TMEM63B: variants seen among roughly 807,000 people sequenced by gnomAD.
TMEM63B encodes the protein transmembrane protein 63B, also known as mechanosensitive cation channel TMEM63B.
Under a neutral mutation model 102.6 loss-of-function variants are expected in TMEM63B, and 23 were observed. The observed-to-expected ratio is 0.22, with a 90% CI of 0.16 to 0.32. The LOEUF is 0.32. Among genes scored for constraint, TMEM63B ranks in the 10% least tolerant of loss-of-function variants. TMEM63B has a pLI of 1.00. For missense variants in TMEM63B, 628 were observed against 1,095.9 expected, an observed-to-expected ratio of 0.57 and a Z score of 6.03; for synonymous variants, 444 against 437.0, an observed-to-expected ratio of 1.02 and a Z score of -0.20.
At chr6:44,130,010 T>C (rs1246423198) in intron 1 of TMEM63B, among the ~76,000 whole-genome samples, 1 of 152,172 alleles carries the variant, frequency 6.6e-6, no homozygotes, top group Non-Finnish European at 1.5e-5. Context: ...ATGGTGCCTG[T>C]CCCCTATGCC....
At chr6:44,145,058 C>G (rs1056908628) in intron 10 of TMEM63B, among the ~76,000 whole-genome samples, 6 of 152,018 alleles carry the variant, frequency 3.9e-5, no homozygotes, top group Non-Finnish European at 5.9e-5. Context: ...GGGTGAATCA[C>G]AAGGTCAGGA....
chr6:44,152,703 G>A lies in TMEM63B; in HGVS notation c.1942+5G>A. The A allele has an allele frequency of 6.2e-7, 1 of 1,603,656 alleles. No individual in the cohort carries two copies. The highest frequency in any genetic ancestry group is 8.5e-7 in the Non-Finnish European group (1 of 1,178,530). On this transcript the variant is annotated splice_donor_5th_base_variant and intron_variant, in intron 20 of 23. Transcript: ENST00000323267. This position sits in a 1 kb window ranked among gnomAD's most constrained non-coding sequence, Gnocchi z 6.4. ...GCCCCATCATCGTGCCCTTCGGTAG[G>A]CACCGCCGCGCCGGGACCTGGGCCC... is the stretch of plus-strand genomic sequence containing the variant.
chr6:44,151,624 C>T (rs1466356791), intron 18 of TMEM63B, among the ~76,000 whole-genome samples: 1 of 152,116 alleles, frequency 6.6e-6, no homozygotes, highest in Admixed American at 6.5e-5. Flanking sequence ...TGAGCACTCT[C>T]TCCATGGGTC....
intron 2 of TMEM63B, 112 bp from the exon 3 acceptor site, chr6:44,134,905 A>C (rs1762619353): frequency 6.7e-7 from 1 of 1,499,184 alleles, no homozygotes; most frequent in African/African-American, 1.4e-5. Context: ...CATTCACCCA[A>C]GCCAGGGTCA....
chr6:44,141,386 G>A (rs1276965476), intron 10 of TMEM63B, among the ~76,000 whole-genome samples: 3 of 152,168 alleles, frequency 2.0e-5, no homozygotes, highest in Non-Finnish European at 2.9e-5. Context: ...TGTTGACCCA[G>A]GTCCATTGGA....
Position 44,145,301 on chromosome 6 carries a change from C to T in TMEM63B, c.783-1546C>T, listed in dbSNP as rs190276816. ...AAAAAAAAAAAAAAAAGCTATTAGGCTGGGTATGGCAGCTCATGCCTATAA... is the reference window on the plus strand; with the variant it reads ...AAAAAAAAAAAAAAAAGCTATTAGGTTGGGTATGGCAGCTCATGCCTATAA... On this transcript the variant is annotated intron_variant, in intron 10 of 23. Coordinates refer to ENST00000323267, the MANE Select transcript of TMEM63B (RefSeq NM_018426.3). 4.4e-4 allele frequency among the ~76,000 whole-genome samples: 66 copies of T among 148,686 alleles called. No individual in the cohort carries two copies. In the East Asian group the frequency reaches 0.013, roughly 28 times the overall value.
intron 9 of TMEM63B, chr6:44,140,569 G>C (rs1764026883): frequency 3.0e-6 from 2 of 664,680 alleles, no homozygotes; most frequent in Admixed American, 4.2e-5. Context: ...CCTCCCCCAA[G>C]GTTGTGGGGA....
chr6:44,133,685 C>T (rs73429745), intron 1 of TMEM63B, among the ~76,000 whole-genome samples: 39,471 of 152,198 alleles, frequency 0.26, 5,676 homozygotes, highest in African/African-American at 0.39. Flanking sequence ...TCAATGCAGC[C>T]GGCCAGTTGC....
chr6:44,129,569 G>T (rs1222355188), intron 1 of TMEM63B, among the ~76,000 whole-genome samples: 1 of 152,114 alleles, frequency 6.6e-6, no homozygotes, highest in African/African-American at 2.4e-5. Flanking sequence ...GGCTACCACA[G>T]ATGGATGGGG....
At chr6:44,147,001 C>G (rs1420000438) in intron 11 of TMEM63B, 74 bp downstream of exon 11, 3 of 1,485,516 alleles carry the variant, frequency 2.0e-6, no homozygotes, top group Non-Finnish European at 2.8e-6. Context: ...GGCTACCACA[C>G]AGGCTCCCCT....
In TMEM63B at chr6:44,139,715, T is replaced by C. The variant is rs749415382; in HGVS notation, c.558T>C (p.Asn186=). 1.2e-6 allele frequency: 2 copies of C among 1,613,906 alleles called. No individual in the cohort carries two copies. Among genetic ancestry groups the C allele is most frequent in the East Asian group, 4.5e-5 (2 of 44,886 alleles). Residue 186 remains asparagine (N), a synonymous_variant, in exon 8 of 24, where the codon AAT becomes AAC. Coordinates refer to ENST00000323267, the MANE Select transcript of TMEM63B (RefSeq NM_018426.3). ...VNFSGDLLEN[N]AYSFGRTTIA... ...CCTCTTCCCACCCCACAGAGAACAA[T>C]GCCTACAGCTTTGGGAGAACCACCA...
chr6:44,134,533 C>T (rs1762554867), intron 1 of TMEM63B, 28 bp from the exon 2 acceptor site: 3 of 1,596,916 alleles, frequency 1.9e-6, no homozygotes, highest in South Asian at 1.1e-5. Context: ...GGGGGCAAGC[C>T]CAGCTGACTG....
At chr6:44,139,679 A>C (rs1167055269) in intron 7 of TMEM63B, 29 bp from the exon 8 acceptor site, 1 of 1,613,990 alleles carries the variant, frequency 6.2e-7, no homozygotes, top group Non-Finnish European at 8.5e-7. Flanking sequence ...TGACCCCACC[A>C]TCATCCTCTC....
At chr6:44,141,275 G>T (rs12529211) in intron 10 of TMEM63B, among the ~76,000 whole-genome samples, 177 bp downstream of exon 10, 11,199 of 152,096 alleles carry the variant, frequency 0.074, 607 homozygotes, top group East Asian at 0.23. Flanking sequence ...CGGGTGATAG[G>T]CCCCTTTAAG....
At position 44,148,729 on chromosome 6, in the gene TMEM63B, T is replaced by C. The variant is rs894984731; in HGVS notation, c.1260-63T>C. ...GGTAGGCGGAGGAGAGGGAGTGTCTTGGTGTCACTGGGGGCCAATCCTGCC... is the reference window on the plus strand; with the variant it reads ...GGTAGGCGGAGGAGAGGGAGTGTCTCGGTGTCACTGGGGGCCAATCCTGCC... On this transcript the variant is annotated intron_variant, in intron 14 of 23. Coordinates refer to ENST00000323267, the MANE Select transcript of TMEM63B (RefSeq NM_018426.3). The surrounding 1 kb of genome is among the most constrained non-coding windows in gnomAD (Gnocchi z 5.1). 1.8e-5 allele frequency: 29 copies of C among 1,611,138 alleles called. No individual in the cohort carries two copies. Among genetic ancestry groups the C allele is most frequent in the Non-Finnish European group, 2.3e-5 (27 of 1,177,786 alleles).
chr6:44,143,011 AAAAG>A (rs1582797912), intron 10 of TMEM63B, among the ~76,000 whole-genome samples: 1 of 152,336 alleles, frequency 6.6e-6, no homozygotes, highest in East Asian at 1.9e-4. Context: ...CCTGTCTCAA[AAAAG>A]AAAGAAAGTA....
rs778862593 is a variant in TMEM63B at position 44,136,416 on chromosome 6, G to A, written c.346G>A (p.Val116Ile). 26 of 1,613,790 alleles carry A rather than the reference G, an allele frequency of 1.6e-5. No individual in the cohort carries two copies. The highest frequency in any genetic ancestry group is 4.5e-5 in the East Asian group (2 of 44,868). The change falls in exon 5 of 24, where the codon GTT becomes ATT. Residue 116 changes from valine (V) to isoleucine (I), a missense_variant. Coordinates refer to ENST00000323267, the MANE Select transcript of TMEM63B (RefSeq NM_018426.3). ...YERLTSVSSS[V>I]DFDQRDNGFC... The stretch of plus-strand genomic sequence containing the variant: ...GCGTCTCACCTCTGTCTCCAGCTCC[G>A]TTGACTTTGACCAAAGGGACAATGT...
chr6:44,135,798 G>T (rs1032137992), intron 4 of TMEM63B, among the ~76,000 whole-genome samples: 1 of 152,188 alleles, frequency 6.6e-6, no homozygotes, highest in East Asian at 1.9e-4. Context: ...TGCCCAAGGA[G>T]CCCCCCAGTC....
In TMEM63B at chr6:44,150,167, C is replaced by T; in HGVS notation, c.1521-57C>T. 1 of 1,546,802 alleles carries T rather than the reference C, an allele frequency of 6.5e-7. No homozygotes were observed. The highest frequency in any genetic ancestry group is 1.4e-5 in the African/African-American group (1 of 73,708). ...TTGGACATTGTCCTTGTTGGGGGAG[C>T]AAGTCTGGGGCCTGGGCTCACTTGA... On this transcript the variant is annotated intron_variant, in intron 16 of 23. Coordinates refer to ENST00000323267, the MANE Select transcript of TMEM63B (RefSeq NM_018426.3). The surrounding 1 kb of genome is among the most constrained non-coding windows in gnomAD (Gnocchi z 4.7).
Sources: allele counts gnomAD v4.1 joint callset (sites outside exome capture counted in the v4.1 genomes callset), GRCh38; gene constraint gnomAD v4.1.1; non-coding constraint Gnocchi (gnomAD v3.1); transcripts MANE v1.5; gene names NCBI Gene and HGNC (gene_info 2026-07-23, HGNC 2026-07-21).